The following ZNF804B variants were observed in gnomAD, a reference collection of about 807,000 sequenced individuals.
The protein encoded by ZNF804B is zinc finger protein 804B, also known as zinc finger 804B.
In ZNF804B, 80 loss-of-function variants were observed where a neutral mutation model predicts 101.4. The observed-to-expected ratio is 0.79, with a 90% confidence interval of 0.66 to 0.95. The LOEUF (loss-of-function observed/expected upper bound fraction) is 0.95, where lower values mean the gene tolerates loss of function less well. Among genes scored for constraint, ZNF804B ranks in the 40% least tolerant of loss-of-function variants. The pLI is 0.00. For missense variants in ZNF804B, 1,673 were observed against 1,561.9 expected (o/e 1.07, Z -1.20); for synonymous variants, 622 against 558.8 (o/e 1.11, Z -1.59).
At chr7:89,168,087 A>C (rs1458687217) in intron 1 of ZNF804B, among the ~76,000 whole-genome samples, 1 of 152,112 alleles carries the variant, frequency 6.6e-6, no homozygotes, top group East Asian at 1.9e-4. Flanking sequence ...TTGTTAGCAA[A>C]GAAAGCCTTA....
intron 2 of ZNF804B, among the ~76,000 whole-genome samples, chr7:89,260,800 A>C (rs1417221382): frequency 6.6e-6 from 1 of 152,110 alleles, no homozygotes; most frequent in Non-Finnish European, 1.5e-5. Context: ...TTATCTTGTA[A>C]AAGTAGGCAG....
Position 89,336,775 on chromosome 7 carries a change from G to A in ZNF804B, c.3793G>A (p.Gly1265Ser), listed in dbSNP as rs750288957. The A allele has an allele frequency of 1.2e-6, 2 of 1,613,876 alleles. No homozygotes were observed. Among genetic ancestry groups the A allele is most frequent in the Non-Finnish European group, 1.7e-6 (2 of 1,180,006 alleles). The change falls in exon 4 of 4, where the codon GGT becomes AGT. Residue 1265 changes from glycine (G) to serine (S), a missense_variant. Transcript: ENST00000333190. ...CCCTGCACACCCCACTTTCTTAGCAGGTCATCCCCTGCATTTAGTAGCTGC... is the reference window on the plus strand; with the variant it reads ...CCCTGCACACCCCACTTTCTTAGCAAGTCATCCCCTGCATTTAGTAGCTGC... ...IIPAHPTFLA[G>S]HPLHLVAATP...
chr7:88,898,073 C>CTTTT lies in ZNF804B; in HGVS notation c.108+138017_108+138020dup, dbSNP rs869050718. On this transcript the variant is annotated intron_variant, in intron 1 of 3. Coordinates refer to ENST00000333190, the MANE Select transcript of ZNF804B (RefSeq NM_181646.5). ...CCTCCTTCCTATATTACTTCTCCAT[C>CTTTT]TTTTTTTTTTTTTTTTTTTTTTTTT... Among the ~76,000 whole-genome samples, 117 of 56,602 alleles carry CTTTT rather than the reference C, an allele frequency of 2.1e-3. 16 individuals are homozygous for CTTTT. Among genetic ancestry groups the CTTTT allele is most frequent in the Non-Finnish European group, 2.8e-3 (95 of 33,360 alleles). 37.1% of individuals were successfully genotyped at this position (56,602 alleles called of 152,430 possible). A position where few individuals can be genotyped will look rare whatever the true frequency, so the allele number is the denominator to read the frequency against.
In ZNF804B at chr7:89,083,583, A is replaced by G. The variant is rs182033296; in HGVS notation, c.109-134572A>G. Among the ~76,000 whole-genome samples, 480 of 152,020 alleles carry G rather than the reference A, an allele frequency of 3.2e-3. 1 individual carries two copies. The highest frequency in any genetic ancestry group is 6.7e-3 in the Admixed American group (102 of 15,208). ...GGATGTACCTAACTTTATATGTCTG[A>G]ATAATACTTACTCATACTCAAGCAA... On this transcript the variant is annotated intron_variant, in intron 1 of 3. Coordinates refer to ENST00000333190, the MANE Select transcript of ZNF804B (RefSeq NM_181646.5).
intron 2 of ZNF804B, among the ~76,000 whole-genome samples, chr7:89,280,739 T>C: frequency 6.6e-6 from 1 of 152,140 alleles, no homozygotes; most frequent in East Asian, 1.9e-4. Flanking sequence ...CCAATAACAG[T>C]AGCTGAAATT....
intron 1 of ZNF804B, among the ~76,000 whole-genome samples, chr7:89,134,257 T>C (rs1229340942): frequency 6.6e-6 from 1 of 152,090 alleles, no homozygotes; most frequent in Non-Finnish European, 1.5e-5. Context: ...ACCAACCACA[T>C]TGTTAGGTGA....
At chr7:88,812,130 A>G (rs1023309216) in intron 1 of ZNF804B, among the ~76,000 whole-genome samples, 3 of 152,204 alleles carry the variant, frequency 2.0e-5, no homozygotes. Flanking sequence ...CACAGCCAAT[A>G]TAGATTTCAT....
intron 2 of ZNF804B, among the ~76,000 whole-genome samples, chr7:89,227,986 A>G (rs1789121250): frequency 6.6e-6 from 1 of 152,184 alleles, no homozygotes; most frequent in Non-Finnish European, 1.5e-5. Flanking sequence ...ACACAATTAA[A>G]AGACAAAGAC....
At chr7:88,774,484 C>T (rs1427300174) in intron 1 of ZNF804B, among the ~76,000 whole-genome samples, 5 of 152,002 alleles carry the variant, frequency 3.3e-5, no homozygotes, top group Admixed American at 2.6e-4. Context: ...CACAGTTGGC[C>T]CCTGTCCATA....
In ZNF804B at chr7:89,318,427, G is replaced by T. The variant is rs113141185; in HGVS notation, c.250-8917G>T. ...AAAGATGTACCTTTTTACTGGAATAGTATTTATGATTAAAAGTCAAACAAG... is the reference window on the plus strand; with the variant it reads ...AAAGATGTACCTTTTTACTGGAATATTATTTATGATTAAAAGTCAAACAAG... On this transcript the variant is annotated intron_variant, in intron 2 of 3. Transcript: ENST00000333190. 4.5e-3 allele frequency among the ~76,000 whole-genome samples: 679 copies of T among 152,256 alleles called. 4 individuals are homozygous for T. Among genetic ancestry groups the T allele is most frequent in the African/African-American group, 0.015 (641 of 41,560 alleles).
intron 1 of ZNF804B, among the ~76,000 whole-genome samples, chr7:88,911,868 A>G (rs953926172): frequency 6.6e-6 from 1 of 151,646 alleles, no homozygotes; most frequent in Non-Finnish European, 1.5e-5. Flanking sequence ...TATTTATGGA[A>G]TTGCATTATA....
chr7:89,035,195 A>C (rs1045345825), intron 1 of ZNF804B, among the ~76,000 whole-genome samples: 1 of 152,076 alleles, frequency 6.6e-6, no homozygotes, highest in African/African-American at 2.4e-5. Context: ...GAAAAGACCC[A>C]CCTGCTGAAA....
intron 1 of ZNF804B, among the ~76,000 whole-genome samples, chr7:89,120,287 T>TA (rs368392592): frequency 6.9e-6 from 1 of 145,464 alleles, no homozygotes; most frequent in Non-Finnish European, 1.5e-5. Context: ...GAACTCCATC[T>TA]AAAAAACAAA....
chr7:89,324,607 C>CTTTTTTTTTTTTTTT (rs35905388), intron 2 of ZNF804B, among the ~76,000 whole-genome samples: 6 of 109,564 alleles, frequency 5.5e-5, no homozygotes, highest in East Asian at 2.8e-4. Context: ...TACCTTCTTA[C>CTTTTTTTTTTTTTTT]TTTTTTTTTT....
chr7:89,116,185 A>C (rs1790309990), intron 1 of ZNF804B, among the ~76,000 whole-genome samples: 1 of 151,826 alleles, frequency 6.6e-6, no homozygotes, highest in Non-Finnish European at 1.5e-5. Flanking sequence ...GAGTCCTGGG[A>C]TTACAGGCAT....
chr7:88,841,349 A>G (rs1039347472), intron 1 of ZNF804B, among the ~76,000 whole-genome samples: 3 of 152,192 alleles, frequency 2.0e-5, no homozygotes, highest in African/African-American at 7.2e-5. Flanking sequence ...GTTGGTCTGG[A>G]GACTGAGTCC....
intron 2 of ZNF804B, among the ~76,000 whole-genome samples, chr7:89,325,294 T>G (rs2115977854): frequency 6.6e-6 from 1 of 152,128 alleles, no homozygotes; most frequent in East Asian, 1.9e-4. Context: ...TCTGTGTTCC[T>G]TAAAAACATT....
chr7:88,991,286 T>C (rs1262346363), intron 1 of ZNF804B, among the ~76,000 whole-genome samples: 1 of 152,188 alleles, frequency 6.6e-6, no homozygotes, highest in Non-Finnish European at 1.5e-5. Context: ...GATTTCCCTC[T>C]GTCGGAAAAT....
chr7:88,875,615 A>G (rs986218084), intron 1 of ZNF804B, among the ~76,000 whole-genome samples: 4 of 152,026 alleles, frequency 2.6e-5, no homozygotes, highest in African/African-American at 7.2e-5. Context: ...ACCAGGAAGA[A>G]GTTGAATCTC....
Sources: allele counts gnomAD v4.1 joint callset (sites outside exome capture counted in the v4.1 genomes callset), GRCh38; gene constraint gnomAD v4.1.1; transcripts MANE v1.5; gene names NCBI Gene and HGNC (gene_info 2026-07-23, HGNC 2026-07-21).